CCNK: variants seen among roughly 807,000 people sequenced by gnomAD.
CCNK encodes the protein cyclin K.
In CCNK, 9 loss-of-function variants were observed where a neutral mutation model predicts 65.0. The observed-to-expected ratio is 0.14, with a 90% CI of 0.08 to 0.24. CCNK has a LOEUF of 0.24. Ranked by LOEUF, CCNK falls within the 10% of genes least tolerant of loss-of-function variation. The probability of loss-of-function intolerance (pLI) is 1.00; values close to 1 mark genes in which losing one functional copy is unlikely to be tolerated. For missense variants in CCNK, 474 were observed against 720.0 expected (o/e 0.66, Z 3.91); for synonymous variants, 279 against 270.8 (o/e 1.03, Z -0.30).
rs565861187 is a variant in CCNK, at chr14:99,511,097, T to C, written c.*315T>C. ...TAACCAGCCATATTGGCTCAATAAA[T>C]AGCTTCGGTAAGGAGTTAATTTCCT... On this transcript the variant is annotated 3_prime_UTR_variant, in exon 11 of 11. Transcript: ENST00000389879. 6 of 213,238 alleles carry C rather than the reference T, an allele frequency of 2.8e-5. No individual in the cohort carries two copies. Among genetic ancestry groups the C allele is most frequent in the African/African-American group, 4.6e-5 (2 of 43,712 alleles). The allele number at this position is 213,238 out of a possible 1,614,324, so 13.2% of individuals were successfully genotyped here.
Position 99,510,258 on chromosome 14 carries a change from C to A in CCNK, c.1219C>A (p.Pro407Thr). Residue 407 changes from proline (P) to threonine (T), a missense_variant, in exon 11 of 11, where the codon CCG (proline) becomes ACG (threonine). Transcript: ENST00000389879. ...AGTCCAGATTCCCCCTCCGGCCCAC[C>A]CGGCCCCTGTGCACCAGCCACCGCC... ...PKVQIPPPAH[P>T]APVHQPPPLP... The A allele has an allele frequency of 6.4e-7, 1 of 1,558,480 alleles. No homozygotes were observed. The highest frequency in any genetic ancestry group is 2.3e-5 in the East Asian group (1 of 42,898).
At chr14:99,489,759 A>C (rs1234975073) in intron 1 of CCNK, among the ~76,000 whole-genome samples, 1 of 152,236 alleles carries the variant, frequency 6.6e-6, no homozygotes, top group African/African-American at 2.4e-5. Context: ...TCAAAGTTAT[A>C]AAAGTACTCT....
intron 2 of CCNK, 94 bp from the exon 3 acceptor site, chr14:99,493,420 T>TTTG: frequency 2.8e-6 from 2 of 714,802 alleles, no homozygotes. Flanking sequence ...TACCATTGAT[T>TTTG]TTGTTGTTGT....
Position 99,497,691 on chromosome 14 carries a change from T to C in CCNK, c.411+2062T>C, listed in dbSNP as rs573514944. ...TTATCTTTTTCTCTGCCAAGCATTA[T>C]GTATGTATATACAAAATGTATAGTC... is the stretch of plus-strand genomic sequence containing the variant. On this transcript the variant is annotated intron_variant, in intron 4 of 10. Transcript: ENST00000389879. Among the ~76,000 whole-genome samples, 10 of 152,352 alleles carry C rather than the reference T, an allele frequency of 6.6e-5. No homozygotes were observed. In the East Asian group the frequency reaches 1.9e-3, roughly 29 times the overall value.
At chr14:99,496,688 C>G (rs866321531) in intron 4 of CCNK, among the ~76,000 whole-genome samples, 2 of 150,934 alleles carry the variant, frequency 1.3e-5, no homozygotes, top group African/African-American at 2.4e-5. Flanking sequence ...CCAGCCTGGG[C>G]GACGGAGCAA....
chr14:99,511,911 C>G lies in CCNK; in HGVS notation c.*1129C>G, dbSNP rs943004719. On this transcript the variant is annotated 3_prime_UTR_variant, in exon 11 of 11. Transcript: ENST00000389879. The stretch of plus-strand genomic sequence containing the variant: ...CCTCACTGTCCACCTTGAGGGGCCA[C>G]GGCTCTGTCTGTGGAAGGGGCCCCG... The G allele has an allele frequency of 6.6e-6, 1 of 152,358 alleles. No individual in the cohort carries two copies. Among genetic ancestry groups the G allele is most frequent in the Non-Finnish European group, 1.5e-5 (1 of 68,038 alleles). 9.4% of individuals were successfully genotyped at this position (152,358 alleles called of 1,614,324 possible).
chr14:99,503,564 C>A, intron 8 of CCNK, 47 bp from the exon 9 acceptor site: 2 of 1,511,140 alleles, frequency 1.3e-6, no homozygotes, highest in Non-Finnish European at 1.8e-6. Context: ...TTTTTCTCAT[C>A]ATACTCAGGA....
Position 99,493,542 on chromosome 14 carries a change from A to G in CCNK, c.226A>G (p.Ile76Val), listed in dbSNP as rs552001718. ...CTATGATACCCTGGCAACTGGAATAATTTATTTTCATCGCTTCTATATGTT... is the reference window on the plus strand; with the variant it reads ...CTATGATACCCTGGCAACTGGAATAGTTTATTTTCATCGCTTCTATATGTT... ...LHYDTLATGI[I>V]YFHRFYMFHS... is the part of the protein sequence containing the mutation. Residue 76 changes from isoleucine to valine, a missense_variant, in exon 3 of 11, where the codon ATT becomes GTT. Physicochemically the swap from Ile to Val is conservative, Grantham distance 29. Transcript: ENST00000389879. 6.2e-7 allele frequency: 1 copy of G among 1,612,602 alleles called. No homozygotes were observed. The highest frequency in any genetic ancestry group is 1.3e-5 in the African/African-American group (1 of 74,966).
chr14:99,503,920 C>T (rs981700174), intron 9 of CCNK: 10 of 455,582 alleles, frequency 2.2e-5, no homozygotes, highest in African/African-American at 4.0e-5. Flanking sequence ...TGTAGGAGAA[C>T]TGTTGCTGCA....
intron 1 of CCNK, among the ~76,000 whole-genome samples, chr14:99,482,571 C>T (rs1183300183): frequency 2.0e-5 from 3 of 152,172 alleles, no homozygotes; most frequent in East Asian, 3.8e-4. Flanking sequence ...AGAGTGACCA[C>T]CGCTGGTGTC....
chr14:99,507,355 T>G (rs1816080711), intron 10 of CCNK: 1 of 563,372 alleles, frequency 1.8e-6, no homozygotes, highest in African/African-American at 1.9e-5. Context: ...GGCAGGAGAA[T>G]CACCTGACCC....
At chr14:99,490,445 A>G (rs3918055) in intron 1 of CCNK, among the ~76,000 whole-genome samples, 3,818 of 152,324 alleles carry the variant, frequency 0.025, 160 homozygotes, top group African/African-American at 0.087. Context: ...TGAAGGGTAT[A>G]GACAAAACTC....
At chr14:99,502,693 A>C in intron 7 of CCNK, 26 bp from the exon 8 acceptor site, 1 of 1,604,634 alleles carries the variant, frequency 6.2e-7, no homozygotes, top group Non-Finnish European at 8.5e-7. Context: ...AATTTGTGTA[A>C]AATGTAATTG....
Position 99,500,875 on chromosome 14 carries a change from A to G in CCNK, c.517+4A>G. ...AAATATGCAAAGCAACTCAAAGGTA[A>G]GAAGAAAGTTTTCAGAAGAATTTTT... is the stretch of plus-strand genomic sequence containing the variant. On this transcript the variant is annotated splice_donor_region_variant and intron_variant, in intron 5 of 10. Coordinates refer to ENST00000389879, the MANE Select transcript of CCNK (RefSeq NM_001099402.2). 1 of 1,491,304 alleles carries G rather than the reference A, an allele frequency of 6.7e-7. No homozygotes were observed. Among genetic ancestry groups the G allele is most frequent in the Non-Finnish European group, 9.1e-7 (1 of 1,103,828 alleles). 92.4% of individuals were successfully genotyped at this position (1,491,304 alleles called of 1,614,324 possible). A position where few individuals can be genotyped will look rare whatever the true frequency, so the allele number is the denominator to read the frequency against.
chr14:99,500,840 G>A lies in CCNK; in HGVS notation c.486G>A (p.Gln162=). The change falls in exon 5 of 11, where the codon CAG becomes CAA. Residue 162 remains glutamine (Q), a synonymous_variant. Coordinates refer to ENST00000389879, the MANE Select transcript of CCNK (RefSeq NM_001099402.2). ...KFDLQVEHPY[Q]FLLKYAKQLK... is the part of the protein sequence containing the mutation. ...ATTTACAGGTAGAACATCCATACCA[G>A]TTCCTACTAAAATATGCAAAGCAAC... is the stretch of plus-strand genomic sequence containing the variant. 6.4e-7 allele frequency: 1 copy of A among 1,558,504 alleles called. No individual in the cohort carries two copies. The highest frequency in any genetic ancestry group is 8.7e-7 in the Non-Finnish European group (1 of 1,150,146).
At chr14:99,488,360 A>G (rs1168954038) in intron 1 of CCNK, among the ~76,000 whole-genome samples, 1 of 151,720 alleles carries the variant, frequency 6.6e-6, no homozygotes, top group Non-Finnish European at 1.5e-5. Flanking sequence ...TAAATCTAAG[A>G]CAGTCTCTCA....
At chr14:99,507,256 T>G in intron 10 of CCNK, 109 bp downstream of exon 10, 1 of 770,800 alleles carries the variant, frequency 1.3e-6, no homozygotes, top group Non-Finnish European at 2.3e-6. Context: ...AGATTGACAA[T>G]GTCAGCCACA....
At chr14:99,503,931 A>G (rs1259450020) in intron 9 of CCNK, 2 of 429,080 alleles carry the variant, frequency 4.7e-6, no homozygotes, top group Non-Finnish European at 8.4e-6. Context: ...TGTTGCTGCA[A>G]TTTTATTTTT....
intron 4 of CCNK, chr14:99,500,562 C>T (rs1383208229): frequency 1.9e-6 from 1 of 538,470 alleles, no homozygotes; most frequent in African/African-American, 2.0e-5. Flanking sequence ...TACACCTCTG[C>T]TTTGTCTTCC....
Sources: gnomAD v4.1 joint callset for allele counts (sites outside exome capture counted in the v4.1 genomes callset) on GRCh38, gnomAD v4.1.1 for gene constraint, MANE v1.5 for transcripts, NCBI Gene and HGNC (gene_info 2026-07-23, HGNC 2026-07-21) for gene names.